MON2: variants seen among roughly 807,000 people sequenced by gnomAD.
MON2 encodes the protein MON2 regulator of endosome-to-Golgi trafficking.
Under a neutral mutation model 208.6 loss-of-function variants are expected in MON2, and 84 were observed. The ratio of observed to expected loss-of-function variants is 0.40; its 90% CI spans 0.34 to 0.48. The LOEUF is 0.48. Among genes scored for constraint, MON2 ranks in the 20% least tolerant of loss-of-function variants. The pLI is 0.59. For missense variants in MON2, 1,611 were observed against 2,015.4 expected, an observed-to-expected ratio of 0.80 and a Z score of 3.84; for synonymous variants, 660 against 694.0, an observed-to-expected ratio of 0.95 and a Z score of 0.77.
chr12:62,562,817 G>T (rs905815771), intron 26 of MON2, among the ~76,000 whole-genome samples: 1 of 152,086 alleles, frequency 6.6e-6, no homozygotes, highest in Non-Finnish European at 1.5e-5. Context: ...TTCTTCCTCA[G>T]TGCTTTTATA....
chr12:62,587,484 C>T (rs1280157499), intron 33 of MON2, among the ~76,000 whole-genome samples: 5 of 151,678 alleles, frequency 3.3e-5, no homozygotes, highest in East Asian at 1.9e-4. Context: ...TTTAGGAGGC[C>T]GAGGCAGGAG....
chr12:62,589,657 C>T (rs2075328080), intron 34 of MON2, among the ~76,000 whole-genome samples: 1 of 151,124 alleles, frequency 6.6e-6, no homozygotes, highest in Non-Finnish European at 1.5e-5. Flanking sequence ...CACCTGTAAT[C>T]CCAACACTTT....
At chr12:62,508,150 A>G (rs983230791) in intron 7 of MON2, 136 bp from the exon 8 acceptor site, 1 of 671,644 alleles carries the variant, frequency 1.5e-6, no homozygotes, top group Non-Finnish European at 2.5e-6. Flanking sequence ...ATAATAAAAC[A>G]TATAAACTTA....
At chr12:62,552,605 A>G (rs929407563) in intron 23 of MON2, among the ~76,000 whole-genome samples, 6 of 151,804 alleles carry the variant, frequency 4.0e-5, no homozygotes, top group African/African-American at 1.4e-4. Flanking sequence ...TCCTTATACT[A>G]TTCTTGGTTT....
chr12:62,535,782 T>C, intron 14 of MON2, 73 bp downstream of exon 14: 1 of 1,186,286 alleles, frequency 8.4e-7, no homozygotes, highest in Non-Finnish European at 1.1e-6. Flanking sequence ...TATAAACATC[T>C]GAGTTTAAGT....
chr12:62,597,799 T>A lies in MON2; in HGVS notation c.*5050T>A, dbSNP rs1158300508. 1 of 152,208 alleles carries A rather than the reference T, an allele frequency of 6.6e-6. No homozygotes were observed. Among genetic ancestry groups the A allele is most frequent in the Non-Finnish European group, 1.5e-5 (1 of 68,060 alleles). 9.4% of individuals were successfully genotyped at this position (152,208 alleles called of 1,614,324 possible). ...CTGGCGTGGTGGCCCACACCTGTAATCCCAGCACTTTGGGAAGCCAAGGTG... is the reference window on the plus strand; with the variant it reads ...CTGGCGTGGTGGCCCACACCTGTAAACCCAGCACTTTGGGAAGCCAAGGTG... On this transcript the variant is annotated 3_prime_UTR_variant, in exon 35 of 35. Coordinates refer to ENST00000393630, the MANE Select transcript of MON2 (RefSeq NM_015026.3).
intron 5 of MON2, among the ~76,000 whole-genome samples, 154 bp downstream of exon 5, chr12:62,499,202 G>A (rs1369718735): frequency 6.6e-6 from 1 of 152,070 alleles, no homozygotes; most frequent in African/African-American, 2.4e-5. Context: ...TGAGGAATAG[G>A]CTCCTTGTTT....
chr12:62,491,157 C>A (rs1424392495), intron 2 of MON2, among the ~76,000 whole-genome samples: 1 of 152,094 alleles, frequency 6.6e-6, no homozygotes, highest in Non-Finnish European at 1.5e-5. Context: ...TAAAGTGTCA[C>A]CCTAGTTATT....
Position 62,566,400 on chromosome 12 carries a change from G to A in MON2, c.4273G>A (p.Ala1425Thr). 2 of 1,613,684 alleles carry A rather than the reference G, an allele frequency of 1.2e-6. No homozygotes were observed. The highest frequency in any genetic ancestry group is 2.2e-5 in the South Asian group (2 of 91,046). ...AGTTGTGGATTTATACCAAAAAACA[G>A]CGTGTCACAAAGCAGTGGTGAATGA... ...EVVVDLYQKTACHKAVVNEKV... is the reference protein window; with the variant it reads ...EVVVDLYQKTTCHKAVVNEKV... Residue 1425 changes from alanine to threonine, a missense_variant, in exon 29 of 35, where the codon GCG (alanine) becomes ACG (threonine). Physicochemically the swap from Ala to Thr is moderately conservative, Grantham distance 58. Transcript: ENST00000393630.
intron 22 of MON2, among the ~76,000 whole-genome samples, chr12:62,547,282 A>G (rs1278113714): frequency 6.6e-6 from 1 of 152,154 alleles, no homozygotes; most frequent in Non-Finnish European, 1.5e-5. Context: ...GCTACAGGCA[A>G]TTTTTAGGGA....
intron 8 of MON2, among the ~76,000 whole-genome samples, chr12:62,511,311 GA>G (rs1340961074): frequency 6.6e-6 from 1 of 152,002 alleles, no homozygotes; most frequent in Non-Finnish European, 1.5e-5. Context: ...ACTATCTTGA[GA>G]AAAAAGAACG....
At chr12:62,580,607 T>C (rs2074969738) in intron 32 of MON2, among the ~76,000 whole-genome samples, 187 bp downstream of exon 32, 3 of 152,200 alleles carry the variant, frequency 2.0e-5, no homozygotes, top group Admixed American at 2.0e-4. Context: ...TGGAATAGAA[T>C]GTTTTTATTC....
At chr12:62,475,732 G>A (rs1483197920) in intron 1 of MON2, among the ~76,000 whole-genome samples, 1 of 148,482 alleles carries the variant, frequency 6.7e-6, no homozygotes, top group Non-Finnish European at 1.5e-5. Flanking sequence ...GTCTTCAGCC[G>A]GGCACAGTGG....
chr12:62,498,892 C>G, intron 4 of MON2, 27 bp from the exon 5 acceptor site: 1 of 1,564,332 alleles, frequency 6.4e-7, no homozygotes, highest in African/African-American at 1.4e-5. Context: ...AATCTTATTT[C>G]ACACTAAATG....
intron 29 of MON2, among the ~76,000 whole-genome samples, chr12:62,568,696 A>G (rs928787635): frequency 1.3e-5 from 2 of 151,714 alleles, no homozygotes; most frequent in African/African-American, 2.4e-5. Flanking sequence ...CTCTTGCTCT[A>G]TTGCCTGGGC....
At chr12:62,565,954 TTAAA>T in intron 27 of MON2, 56 bp from the exon 28 acceptor site, 1 of 1,470,602 alleles carries the variant, frequency 6.8e-7, no homozygotes, top group Non-Finnish European at 9.3e-7. Flanking sequence ...CGAAAGTAGT[TTAAA>T]TATGTATTAA....
At chr12:62,563,459 T>TGC (rs1222953995) in intron 26 of MON2, among the ~76,000 whole-genome samples, 1 of 152,168 alleles carries the variant, frequency 6.6e-6, no homozygotes, top group African/African-American at 2.4e-5. Context: ...ATATTTTTTC[T>TGC]TGTCTTCAAA....
intron 7 of MON2, among the ~76,000 whole-genome samples, chr12:62,504,977 T>C (rs1442298000): frequency 2.0e-5 from 3 of 152,084 alleles, no homozygotes; most frequent in Non-Finnish European, 2.9e-5. Flanking sequence ...TTAGGAGATA[T>C]AGAGAGAACA....
At chr12:62,588,771 A>G (rs902253693) in intron 34 of MON2, 1 of 708,110 alleles carries the variant, frequency 1.4e-6, no homozygotes, top group Admixed American at 3.1e-5. Flanking sequence ...TTCCCACAAT[A>G]GATTTCATTT....
Sources: gnomAD v4.1 joint callset for allele counts (sites outside exome capture counted in the v4.1 genomes callset) on GRCh38, gnomAD v4.1.1 for gene constraint, MANE v1.5 for transcripts, NCBI Gene and HGNC (gene_info 2026-07-23, HGNC 2026-07-21) for gene names.